Variants in ZMYND19 observed in about 807,000 individuals in gnomAD.
The protein encoded by ZMYND19 is zinc finger MYND domain-containing protein 19.
In ZMYND19, 17 loss-of-function variants were observed where a neutral mutation model predicts 32.0. The observed-to-expected ratio is 0.53, with a 90% CI of 0.36 to 0.80. The LOEUF (loss-of-function observed/expected upper bound fraction) is 0.80, where lower values mean the gene tolerates loss of function less well. ZMYND19 is among the 30% of genes least tolerant of loss of function. The pLI is 0.00. For synonymous variants in ZMYND19, 124 were observed against 113.6 expected (o/e 1.09, Z -0.58); for missense variants, 250 against 293.6 (o/e 0.85, Z 1.09).
In ZMYND19 at chr9:137,582,438, C is replaced by T. The variant is rs576063786; in HGVS notation, c.*105G>A. On this transcript the variant is annotated 3_prime_UTR_variant, in exon 6 of 6. Transcript: ENST00000298585. ...GGAGTCTCACGGCAGCTGTCCTGGG[C>T]CCGCAGCTGGCTTTTTTGGCACCTC... The T allele has an allele frequency of 7.4e-6, 11 of 1,488,742 alleles. No individual in the cohort carries two copies. The highest frequency in any genetic ancestry group is 9.9e-6 in the Non-Finnish European group (11 of 1,112,908). 92.2% of individuals were successfully genotyped at this position (1,488,742 alleles called of 1,614,324 possible). A position where few individuals can be genotyped will look rare whatever the true frequency, so the allele number is the denominator to read the frequency against.
At chr9:137,583,230 C>A (rs1381565579) in intron 4 of ZMYND19, 67 bp from the exon 5 acceptor site, 1 of 1,553,938 alleles carries the variant, frequency 6.4e-7, no homozygotes, top group African/African-American at 1.4e-5. Flanking sequence ...GCAGACGATG[C>A]AATGACTCCA....
chr9:137,588,889 T>C (rs925969346), intron 1 of ZMYND19, 171 bp from the exon 2 acceptor site: 16 of 676,474 alleles, frequency 2.4e-5, no homozygotes, highest in African/African-American at 1.4e-4. Context: ...ATTCCACCGT[T>C]TGGGGTGGTG....
intron 4 of ZMYND19, among the ~76,000 whole-genome samples, chr9:137,584,778 T>C (rs1312097113): frequency 6.6e-6 from 1 of 152,134 alleles, no homozygotes; most frequent in Non-Finnish European, 1.5e-5. Context: ...CAGACACCAC[T>C]AGAACAGGGT....
In ZMYND19 at chr9:137,588,688, T is replaced by C. The variant is rs772475104; in HGVS notation, c.82A>G (p.Ile28Val). 1.9e-6 allele frequency: 3 copies of C among 1,614,214 alleles called. No homozygotes were observed. The highest frequency in any genetic ancestry group is 1.7e-6 in the Non-Finnish European group (2 of 1,180,016). ...AAGGAGTAGCTCTCCACCAGCGGGA[T>C]GTCCTGCTCATCGATCAGCGTGTAT... ...TKYTLIDEQD[I>V]PLVESYSFEA... is the part of the protein sequence containing the mutation. Residue 28 changes from isoleucine to valine, a missense_variant, in exon 2 of 6, where the codon ATC becomes GTC. Coordinates refer to ENST00000298585, the MANE Select transcript of ZMYND19 (RefSeq NM_138462.3).
rs916082759 is a variant in ZMYND19 at position 137,584,832 on chromosome 9, C to A, written c.360-1669G>T. On this transcript the variant is annotated intron_variant, in intron 4 of 5. Transcript: ENST00000298585. ...GTGCTAGGTAGTGCCCATGCCGCCT[C>A]CCAGAGAGGAGCCGGGAGTGGGGGC... Among the ~76,000 whole-genome samples, 6 of 152,332 alleles carry A rather than the reference C, an allele frequency of 3.9e-5. No homozygotes were observed. The South Asian group carries it at 1.2e-3, about 32-fold the overall frequency.
rs1842256143 is a variant in ZMYND19 at position 137,590,145 on chromosome 9, C to CACCCCCGGCCCCG, written c.51+67_51+68insCGGGGCCGGGGGT. The stretch of plus-strand genomic sequence containing the variant: ...CCGCCCCGGCCGCCGCCCGCACAAC[C>CACCCCCGGCCCCG]GCCCCCGGCCCCGCGCGGAGGCCTG... On this transcript the variant is annotated intron_variant, in intron 1 of 5. Coordinates refer to ENST00000298585, the MANE Select transcript of ZMYND19 (RefSeq NM_138462.3). The surrounding 1 kb of genome is among the most constrained non-coding windows in gnomAD (Gnocchi z 4.2). 1.0e-6 allele frequency: 1 copy of CACCCCCGGCCCCG among 985,434 alleles called. No individual in the cohort carries two copies. The highest frequency in any genetic ancestry group is 6.3e-5 in the Admixed American group (1 of 15,924). The allele number at this position is 985,434 out of a possible 1,614,324, so 61.0% of individuals were successfully genotyped here.
chr9:137,583,789 T>A (rs1010495408), intron 4 of ZMYND19, among the ~76,000 whole-genome samples: 4 of 152,236 alleles, frequency 2.6e-5, no homozygotes, highest in Non-Finnish European at 2.9e-5. Flanking sequence ...TGGGAAGATG[T>A]TGGTGAGGTC....
Position 137,589,985 on chromosome 9 carries a change from G to A in ZMYND19, c.51+228C>T, listed in dbSNP as rs1300988079. 19 of 985,288 alleles carry A rather than the reference G, an allele frequency of 1.9e-5. 1 individual carries two copies. The highest frequency in any genetic ancestry group is 1.9e-4 in the South Asian group (4 of 21,292). The allele number at this position is 985,288 out of a possible 1,614,324, so 61.0% of individuals were successfully genotyped here. A position where few individuals can be genotyped will look rare whatever the true frequency, so the allele number is the denominator to read the frequency against. On this transcript the variant is annotated intron_variant, in intron 1 of 5. Coordinates refer to ENST00000298585, the MANE Select transcript of ZMYND19 (RefSeq NM_138462.3). ...CACCTCCGGCAGGGCAGGGCCGAGGGTGGCCAGGTGCACCCCAGAGCCGAG... is the reference window on the plus strand; with the variant it reads ...CACCTCCGGCAGGGCAGGGCCGAGGATGGCCAGGTGCACCCCAGAGCCGAG...
chr9:137,582,928 G>A (rs1427501536), intron 5 of ZMYND19, 55 bp downstream of exon 5: 2 of 1,595,270 alleles, frequency 1.3e-6, no homozygotes, highest in Non-Finnish European at 1.7e-6. Context: ...CCCAAACCAA[G>A]GCTGGGCTAC....
Position 137,586,872 on chromosome 9 carries a change from G to A in ZMYND19, c.359+95C>T. 7 of 1,525,630 alleles carry A rather than the reference G, an allele frequency of 4.6e-6. No individual in the cohort carries two copies. In the South Asian group the frequency reaches 6.9e-5, roughly 15 times the overall value. 94.5% of individuals were successfully genotyped at this position (1,525,630 alleles called of 1,614,324 possible). A position where few individuals can be genotyped will look rare whatever the true frequency, so the allele number is the denominator to read the frequency against. On this transcript the variant is annotated intron_variant, in intron 4 of 5. Coordinates refer to ENST00000298585, the MANE Select transcript of ZMYND19 (RefSeq NM_138462.3). ...TACACAGAAGCATCAGGGCTCAGAG[G>A]AGGAACAGGAGACCCTCTTGGAAAC...
chr9:137,590,227 G>T lies in ZMYND19; in HGVS notation c.37C>A (p.Arg13=). The change falls in exon 1 of 6, where the codon CGG becomes AGG. Residue 13 remains arginine, a synonymous_variant. Coordinates refer to ENST00000298585, the MANE Select transcript of ZMYND19 (RefSeq NM_138462.3). This position sits in a 1 kb window ranked among gnomAD's most constrained non-coding sequence, Gnocchi z 4.2. The stretch of plus-strand genomic sequence containing the variant: ...GCGCCGCTCACCTTCCCGGCCACCC[G>T]GCCGAGCCGCACGATACCCAATTTG... The part of the protein sequence containing the change: ...DFKLGIVRLG[R]VAGKTKYTLI... 8.8e-7 allele frequency: 1 copy of T among 1,138,542 alleles called. No homozygotes were observed. The allele number at this position is 1,138,542 out of a possible 1,614,324, so 70.5% of individuals were successfully genotyped here. A position where few individuals can be genotyped will look rare whatever the true frequency, so the allele number is the denominator to read the frequency against.
chr9:137,589,922 G>C (rs551224772), intron 1 of ZMYND19: 1 of 985,244 alleles, frequency 1.0e-6, no homozygotes, highest in Non-Finnish European at 1.2e-6. Context: ...CTCGAGCCAC[G>C]CATCTCCGCA....
At chr9:137,588,541 C>A in intron 2 of ZMYND19, 118 bp downstream of exon 2, 1 of 1,136,416 alleles carries the variant, frequency 8.8e-7, no homozygotes. Flanking sequence ...AGGCCAGCAC[C>A]AGTTGTCCAC....
At chr9:137,583,510 C>T (rs896149662) in intron 4 of ZMYND19, among the ~76,000 whole-genome samples, 11 of 152,198 alleles carry the variant, frequency 7.2e-5, no homozygotes, top group Admixed American at 2.6e-4. Context: ...ATTACTGCCC[C>T]GTCGGTCCAC....
intron 3 of ZMYND19, 76 bp from the exon 4 acceptor site, chr9:137,587,183 A>G: frequency 6.5e-7 from 1 of 1,548,424 alleles, no homozygotes; most frequent in African/African-American, 1.5e-5. Context: ...CTGGTCAGGT[A>G]CCAAAGTCCT....
At chr9:137,587,693 CAG>C (rs751474182) in intron 3 of ZMYND19, 22 bp downstream of exon 3, 2 of 1,606,704 alleles carry the variant, frequency 1.2e-6, no homozygotes, top group South Asian at 2.2e-5. Flanking sequence ...TGGCGGGGGG[CAG>C]AGACAGCTTG....
chr9:137,589,951 C>T lies in ZMYND19; in HGVS notation c.51+262G>A, dbSNP rs1248741592. ...CTCCGCACCCGGCTCGGGACAGGGC[C>T]GTGGCCTCCACCTCCGGCAGGGCAG... On this transcript the variant is annotated intron_variant, in intron 1 of 5. Coordinates refer to ENST00000298585, the MANE Select transcript of ZMYND19 (RefSeq NM_138462.3). The T allele has an allele frequency of 8.1e-6, 8 of 985,208 alleles. No homozygotes were observed. In the Admixed American group the frequency reaches 3.7e-4, roughly 45 times the overall value. The allele number at this position is 985,208 out of a possible 1,614,324, so 61.0% of individuals were successfully genotyped here.
chr9:137,582,359 G>C lies in ZMYND19; in HGVS notation c.*184C>G. ...GGTGGGAGCCTCCTCCGTTGTCTCT[G>C]CTGGAGATGAACACTGAGGGGCGCT... On this transcript the variant is annotated 3_prime_UTR_variant, in exon 6 of 6. Transcript: ENST00000298585. 1 of 736,378 alleles carries C rather than the reference G, an allele frequency of 1.4e-6. No individual in the cohort carries two copies. Among genetic ancestry groups the C allele is most frequent in the Non-Finnish European group, 2.1e-6 (1 of 468,270 alleles). The allele number at this position is 736,378 out of a possible 1,614,324, so 45.6% of individuals were successfully genotyped here. A position where few individuals can be genotyped will look rare whatever the true frequency, so the allele number is the denominator to read the frequency against.
At chr9:137,582,777 G>A in intron 5 of ZMYND19, 91 bp from the exon 6 acceptor site, 1 of 1,547,924 alleles carries the variant, frequency 6.5e-7, no homozygotes, top group South Asian at 1.2e-5. Context: ...GACGGACCCA[G>A]CAAAACACCA....
Sources: allele counts gnomAD v4.1 joint callset (sites outside exome capture counted in the v4.1 genomes callset), GRCh38; gene constraint gnomAD v4.1.1; non-coding constraint Gnocchi (gnomAD v3.1); transcripts MANE v1.5; gene names NCBI Gene and HGNC (gene_info 2026-07-23, HGNC 2026-07-21).